Variants in UGGT2 observed in about 807,000 individuals in gnomAD.
UGGT2 encodes the protein UDP-glucose:glycoprotein glucosyltransferase 2.
Under a neutral mutation model 192.1 loss-of-function variants are expected in UGGT2, and 180 were observed. That is an observed-to-expected ratio of 0.94 (90% confidence interval 0.83 to 1.06). The LOEUF is 1.06. UGGT2 is among the 50% of genes least tolerant of loss of function. UGGT2 has a pLI of 0.00. For missense variants in UGGT2, 1,849 were observed against 1,795.7 expected (o/e 1.03, Z -0.54); for synonymous variants, 580 against 591.0 (o/e 0.98, Z 0.27).
At chr13:96,022,251 A>C (rs181315530) in intron 4 of UGGT2, among the ~76,000 whole-genome samples, 2 of 152,192 alleles carry the variant, frequency 1.3e-5, no homozygotes, top group Admixed American at 6.5e-5. Context: ...AGATAGATTA[A>C]AAGTTTAATG....
chr13:95,996,565 T>C (rs551241388), intron 6 of UGGT2, among the ~76,000 whole-genome samples: 2 of 152,248 alleles, frequency 1.3e-5, no homozygotes, highest in East Asian at 3.9e-4. Context: ...TTTTCCTTCA[T>C]GGACCAGATT....
At chr13:96,012,960 C>G (rs1345234450) in intron 5 of UGGT2, among the ~76,000 whole-genome samples, 1 of 145,692 alleles carries the variant, frequency 6.9e-6, no homozygotes, top group Non-Finnish European at 1.5e-5. Context: ...ATTCCAACAC[C>G]ATGCTTTGCA....
chr13:96,051,485 T>C (rs1485172454), intron 1 of UGGT2, among the ~76,000 whole-genome samples: 1 of 151,978 alleles, frequency 6.6e-6, no homozygotes, highest in African/African-American at 2.4e-5. Flanking sequence ...ATAAAAAAAA[T>C]AGCTGGGACT....
intron 36 of UGGT2, among the ~76,000 whole-genome samples, chr13:95,848,853 T>G (rs1275126555): frequency 2.0e-5 from 3 of 152,192 alleles, no homozygotes; most frequent in Non-Finnish European, 2.9e-5. Context: ...ATCTATAAAT[T>G]GATCTGGGAA....
At chr13:95,993,454 G>A (rs1177673601) in intron 7 of UGGT2, among the ~76,000 whole-genome samples, 2 of 152,094 alleles carry the variant, frequency 1.3e-5, no homozygotes, top group African/African-American at 4.8e-5. Context: ...TGATCTTTTG[G>A]AGAAAATGCA....
chr13:95,855,498 T>G (rs1044206123), intron 34 of UGGT2, among the ~76,000 whole-genome samples: 7 of 51,858 alleles, frequency 1.3e-4, no homozygotes, highest in Non-Finnish European at 1.4e-4. Context: ...GCCTTGGGTG[T>G]TTTTTTTTTT....
intron 4 of UGGT2, among the ~76,000 whole-genome samples, chr13:96,014,873 T>G (rs1246342103): frequency 6.6e-6 from 1 of 152,212 alleles, no homozygotes; most frequent in Non-Finnish European, 1.5e-5. Flanking sequence ...TTTATAAACC[T>G]GATTTTATCA....
At chr13:95,803,239 G>C (rs1028364152) in intron 38 of UGGT2, among the ~76,000 whole-genome samples, 1 of 152,074 alleles carries the variant, frequency 6.6e-6, no homozygotes, top group African/African-American at 2.4e-5. Context: ...GTGGGAGAGA[G>C]GGGGAAAGAG....
In UGGT2 at chr13:95,931,695, C is replaced by A. The variant is rs555332476; in HGVS notation, c.1978-4359G>T. Among the ~76,000 whole-genome samples, 7 of 152,248 alleles carry A rather than the reference C, an allele frequency of 4.6e-5. No homozygotes were observed. The South Asian group carries it at 1.0e-3, about 23-fold the overall frequency. ...TAGCTGCTGGCCCGGGTGCTACGCC[C>A]CTCACTGCCCGGGCCGGCAGCGCCC... On this transcript the variant is annotated intron_variant, in intron 17 of 38. Transcript: ENST00000376747.
intron 12 of UGGT2, among the ~76,000 whole-genome samples, chr13:95,955,795 A>G (rs1170834022): frequency 4.6e-5 from 7 of 152,230 alleles, no homozygotes; most frequent in African/African-American, 1.7e-4. Context: ...ATTTTAAGAT[A>G]AAGTCTATAA....
intron 20 of UGGT2, among the ~76,000 whole-genome samples, chr13:95,920,902 A>G (rs1327267294): frequency 6.6e-6 from 1 of 152,238 alleles, no homozygotes; most frequent in Non-Finnish European, 1.5e-5. Flanking sequence ...GTGTATGTTC[A>G]TTGCAGCACC....
At chr13:96,002,351 C>T (rs1035813383) in intron 5 of UGGT2, among the ~76,000 whole-genome samples, 3 of 152,246 alleles carry the variant, frequency 2.0e-5, no homozygotes, top group Non-Finnish European at 4.4e-5. Flanking sequence ...ACCCATGACT[C>T]TCTGTCCTCT....
intron 13 of UGGT2, among the ~76,000 whole-genome samples, 165 bp from the exon 14 acceptor site, chr13:95,948,246 CACACACAT>C (rs1313734214): frequency 9.2e-5 from 14 of 151,634 alleles, no homozygotes; most frequent in Admixed American, 3.3e-4. Flanking sequence ...CACACACACA[CACACACAT>C]ATAAAGGATT....
intron 20 of UGGT2, among the ~76,000 whole-genome samples, chr13:95,908,058 C>T (rs771477072): frequency 6.6e-6 from 1 of 152,062 alleles, no homozygotes; most frequent in Non-Finnish European, 1.5e-5. Context: ...CCTTAAATGA[C>T]GTGATGGAGC....
At chr13:95,967,457 G>A (rs929166952) in intron 12 of UGGT2, among the ~76,000 whole-genome samples, 3 of 141,566 alleles carry the variant, frequency 2.1e-5, no homozygotes, top group Non-Finnish European at 4.5e-5. Flanking sequence ...CAGCCCCCAC[G>A]CGCACCCCCA....
intron 1 of UGGT2, among the ~76,000 whole-genome samples, chr13:96,034,767 G>C (rs1206374211): frequency 1.3e-5 from 2 of 152,234 alleles, no homozygotes; most frequent in African/African-American, 2.4e-5. Flanking sequence ...GCCTGTGCCA[G>C]TACCTGGAGC....
intron 30 of UGGT2, among the ~76,000 whole-genome samples, chr13:95,866,195 G>T (rs1326079341): frequency 6.6e-6 from 1 of 151,970 alleles, no homozygotes; most frequent in Non-Finnish European, 1.5e-5. Flanking sequence ...GTATTACTCA[G>T]TTTCCAAAGT....
chr13:96,022,370 C>G (rs1269548508), intron 4 of UGGT2, among the ~76,000 whole-genome samples: 5 of 151,814 alleles, frequency 3.3e-5, no homozygotes, highest in Non-Finnish European at 5.9e-5. Context: ...GTCACATACA[C>G]AGGAAAATTT....
chr13:95,887,879 C>A lies in UGGT2; in HGVS notation c.3038+13G>T. On this transcript the variant is annotated intron_variant, in intron 26 of 38. Transcript: ENST00000376747. ...AAATTTTTCAAAATGAAATTTTGTT[C>A]ACTCAGATTTACCTTTCTAAAGGGG... 1 of 1,519,538 alleles carries A rather than the reference C, an allele frequency of 6.6e-7. No individual in the cohort carries two copies. The highest frequency in any genetic ancestry group is 1.4e-5 in the African/African-American group (1 of 71,982). The allele number at this position is 1,519,538 out of a possible 1,614,324, so 94.1% of individuals were successfully genotyped here. A position where few individuals can be genotyped will look rare whatever the true frequency, so the allele number is the denominator to read the frequency against.
Sources: allele counts gnomAD v4.1 joint callset (sites outside exome capture counted in the v4.1 genomes callset), GRCh38; gene constraint gnomAD v4.1.1; transcripts MANE v1.5; gene names NCBI Gene and HGNC (gene_info 2026-07-23, HGNC 2026-07-21).